Variants in RAB11FIP4 observed in about 807,000 individuals in gnomAD.
The protein encoded by RAB11FIP4 is RAB11 family interacting protein 4, also known as rab11 family-interacting protein 4.
Under a neutral mutation model 74.3 loss-of-function variants are expected in RAB11FIP4, and 23 were observed. That is an observed-to-expected ratio of 0.31 (90% CI 0.22 to 0.44). RAB11FIP4 has a LOEUF of 0.44. Among genes scored for constraint, RAB11FIP4 ranks in the 20% least tolerant of loss-of-function variants. RAB11FIP4 has a pLI of 1.00. For missense variants in RAB11FIP4, 630 were observed against 863.9 expected, an observed-to-expected ratio of 0.73 and a Z score of 3.39; for synonymous variants, 360 against 359.9, an observed-to-expected ratio of 1.00 and a Z score of 0.00.
chr17:31,433,668 G>A (rs1567654056), intron 2 of RAB11FIP4, among the ~76,000 whole-genome samples: 5 of 152,194 alleles, frequency 3.3e-5, no homozygotes, highest in Admixed American at 2.0e-4. Flanking sequence ...CGGAGGAATG[G>A]GTGTGTTTGC....
At chr17:31,484,712 C>T (rs999289742) in intron 3 of RAB11FIP4, among the ~76,000 whole-genome samples, 1 of 151,996 alleles carries the variant, frequency 6.6e-6, no homozygotes, top group Admixed American at 6.6e-5. Context: ...CCTAAATTTT[C>T]CCTCAGGCTG....
At chr17:31,420,575 T>A (rs1195059419) in intron 1 of RAB11FIP4, among the ~76,000 whole-genome samples, 1 of 151,964 alleles carries the variant, frequency 6.6e-6, no homozygotes, top group African/African-American at 2.4e-5. Flanking sequence ...TCTCTTTCTC[T>A]CTGTCATTCT....
chr17:31,493,621 G>C (rs186802390), intron 3 of RAB11FIP4, among the ~76,000 whole-genome samples: 1 of 152,244 alleles, frequency 6.6e-6, no homozygotes, highest in East Asian at 1.9e-4. Context: ...ACAGACACCT[G>C]CATCCCACGC....
intron 10 of RAB11FIP4, 126 bp downstream of exon 10, chr17:31,525,356 T>C (rs1282103513): frequency 4.4e-6 from 4 of 911,898 alleles, no homozygotes; most frequent in Admixed American, 2.9e-5. Flanking sequence ...CTTGAGACTT[T>C]CCAGTAGTAA....
chr17:31,410,441 T>A (rs192141237), intron 1 of RAB11FIP4, among the ~76,000 whole-genome samples: 3 of 152,226 alleles, frequency 2.0e-5, no homozygotes, highest in Admixed American at 1.3e-4. Flanking sequence ...GGGCTGGGTG[T>A]GGTGGCTCAC....
chr17:31,399,618 T>C (rs530672314), intron 1 of RAB11FIP4, among the ~76,000 whole-genome samples: 1 of 151,672 alleles, frequency 6.6e-6, no homozygotes, highest in Non-Finnish European at 1.5e-5. Flanking sequence ...GAGGCTGAGA[T>C]AGGAGAATTG....
At chr17:31,436,450 T>G (rs2071357791) in intron 3 of RAB11FIP4, among the ~76,000 whole-genome samples, 1 of 151,178 alleles carries the variant, frequency 6.6e-6, no homozygotes. Flanking sequence ...GGGTGGGAGT[T>G]GGGGTAGGGG....
chr17:31,429,209 T>C (rs1264834144), intron 1 of RAB11FIP4, among the ~76,000 whole-genome samples: 2 of 152,168 alleles, frequency 1.3e-5, no homozygotes, highest in Non-Finnish European at 2.9e-5. Flanking sequence ...GTCCTTGCCC[T>C]TAGGGAGCTT....
At chr17:31,469,406 GC>G (rs1345511152) in intron 3 of RAB11FIP4, among the ~76,000 whole-genome samples, 1 of 152,126 alleles carries the variant, frequency 6.6e-6, no homozygotes, top group African/African-American at 2.4e-5. Context: ...GATCACTTGA[GC>G]CCAGGAGTTT....
At chr17:31,499,041 G>A (rs192550629) in intron 3 of RAB11FIP4, among the ~76,000 whole-genome samples, 1 of 152,226 alleles carries the variant, frequency 6.6e-6, no homozygotes, top group African/African-American at 2.4e-5. Context: ...CCCTTTATAC[G>A]CACCCCATTC....
chr17:31,452,279 C>T (rs1463043370), intron 3 of RAB11FIP4, among the ~76,000 whole-genome samples: 1 of 152,080 alleles, frequency 6.6e-6, no homozygotes, highest in Non-Finnish European at 1.5e-5. Flanking sequence ...AGATTTGTTG[C>T]ACAAGCAGAT....
At chr17:31,488,095 G>C (rs1385695693) in intron 3 of RAB11FIP4, 1 of 1,016,664 alleles carries the variant, frequency 9.8e-7, no homozygotes, top group Admixed American at 5.8e-5. Flanking sequence ...GCGGGGGCGG[G>C]GCCGCGCCTT....
chr17:31,396,759 GTCCTCT>G (rs1387449116), intron 1 of RAB11FIP4, among the ~76,000 whole-genome samples: 4 of 152,128 alleles, frequency 2.6e-5, no homozygotes, highest in African/African-American at 9.7e-5. Context: ...CTGTGACATG[GTCCTCT>G]TCCCTTTCCA....
chr17:31,394,948 G>GGT (rs1555540521), intron 1 of RAB11FIP4, among the ~76,000 whole-genome samples: 55 of 131,594 alleles, frequency 4.2e-4, no homozygotes, highest in African/African-American at 1.5e-3. Flanking sequence ...CGGGGGGGGG[G>GGT]GGCTCCCTTA....
At chr17:31,486,434 G>A (rs1330733675) in intron 3 of RAB11FIP4, among the ~76,000 whole-genome samples, 1 of 151,996 alleles carries the variant, frequency 6.6e-6, no homozygotes, top group East Asian at 1.9e-4. Flanking sequence ...TGGTAGGGAT[G>A]GGGTCTTGCT....
intron 3 of RAB11FIP4, among the ~76,000 whole-genome samples, chr17:31,513,619 C>G (rs2072492511): frequency 6.6e-6 from 1 of 152,206 alleles, no homozygotes; most frequent in African/African-American, 2.4e-5. Context: ...CCTGGGCTAA[C>G]CAAGGCGTGC....
In RAB11FIP4 at chr17:31,532,040, T is replaced by C. The variant is rs1165334327; in HGVS notation, c.*308T>C. The C allele has an allele frequency of 7.0e-6, 2 of 287,482 alleles. No homozygotes were observed. The highest frequency in any genetic ancestry group is 1.3e-5 in the Non-Finnish European group (2 of 151,650). 17.8% of individuals were successfully genotyped at this position (287,482 alleles called of 1,614,324 possible). A position where few individuals can be genotyped will look rare whatever the true frequency, so the allele number is the denominator to read the frequency against. On this transcript the variant is annotated 3_prime_UTR_variant, in exon 15 of 15. Coordinates refer to ENST00000621161, the MANE Select transcript of RAB11FIP4 (RefSeq NM_032932.6). ...CAGGAGTTACTGTAAAAACAAGAAC[T>C]GGAAGCTCGTGTTTCCGGTACTGGG...
intron 3 of RAB11FIP4, among the ~76,000 whole-genome samples, chr17:31,489,084 C>T (rs1720705483): frequency 6.6e-6 from 1 of 152,232 alleles, no homozygotes; most frequent in Non-Finnish European, 1.5e-5. Context: ...GCCAGTTTTC[C>T]TTGACTGACC....
intron 4 of RAB11FIP4, 45 bp from the exon 5 acceptor site, chr17:31,521,121 G>A: frequency 7.0e-7 from 1 of 1,424,150 alleles, no homozygotes; most frequent in East Asian, 2.5e-5. Flanking sequence ...CTGTGGCTGG[G>A]GACCCATGAG....
Sources: gnomAD v4.1 joint callset for allele counts (sites outside exome capture counted in the v4.1 genomes callset) on GRCh38, gnomAD v4.1.1 for gene constraint, MANE v1.5 for transcripts, NCBI Gene and HGNC (gene_info 2026-07-23, HGNC 2026-07-21) for gene names.